The following MSRA variants were observed in gnomAD, a reference collection of about 807,000 sequenced individuals.
MSRA encodes methionine sulfoxide reductase A, also known as mitochondrial peptide methionine sulfoxide reductase.
Under a neutral mutation model 31.3 loss-of-function variants are expected in MSRA, and 54 were observed. The ratio of observed to expected loss-of-function variants is 1.73; its 90% CI spans 1.39 to 2.17. The LOEUF (loss-of-function observed/expected upper bound fraction) is 2.17, where lower values mean the gene tolerates loss of function less well. MSRA is among the 30% of genes most tolerant of loss of function. The probability of loss-of-function intolerance (pLI) is 0.00; values close to 1 mark genes in which losing one functional copy is unlikely to be tolerated. For missense variants in MSRA, 507 were observed against 300.9 expected, an observed-to-expected ratio of 1.69 and a Z score of -5.07; for synonymous variants, 169 against 116.5, an observed-to-expected ratio of 1.45 and a Z score of -2.90.
chr8:10,097,393 G>C (rs527920561), intron 1 of MSRA, among the ~76,000 whole-genome samples: 1 of 152,240 alleles, frequency 6.6e-6, no homozygotes, highest in East Asian at 1.9e-4. Context: ...AAGACATGCT[G>C]ATAGGCACTC....
chr8:10,233,716 T>G (rs1355895663), intron 2 of MSRA, among the ~76,000 whole-genome samples: 2 of 152,138 alleles, frequency 1.3e-5, no homozygotes, highest in Non-Finnish European at 2.9e-5. Flanking sequence ...TCAACTGACA[T>G]GTAAAGGGAG....
intron 2 of MSRA, among the ~76,000 whole-genome samples, chr8:10,235,360 G>A (rs118138225): frequency 3.9e-5 from 6 of 152,170 alleles, no homozygotes; most frequent in Non-Finnish European, 8.8e-5. Flanking sequence ...GAAGAGAATG[G>A]CAATGAAAGT....
At chr8:10,277,316 A>G (rs1458806548) in intron 3 of MSRA, among the ~76,000 whole-genome samples, 1 of 152,188 alleles carries the variant, frequency 6.6e-6, no homozygotes, top group Non-Finnish European at 1.5e-5. Flanking sequence ...TATCAGAGCC[A>G]AAGAACACAG....
chr8:10,354,491 C>T (rs1443325991), intron 5 of MSRA, among the ~76,000 whole-genome samples: 2 of 152,084 alleles, frequency 1.3e-5, no homozygotes, highest in East Asian at 1.9e-4. Flanking sequence ...ACAGGTAAGA[C>T]AATAATAGTA....
intron 1 of MSRA, among the ~76,000 whole-genome samples, chr8:10,077,295 C>G (rs921591831): frequency 8.5e-5 from 13 of 152,048 alleles, no homozygotes; most frequent in African/African-American, 2.9e-4. Flanking sequence ...ATCCTGGCTT[C>G]TCTTTCAACA....
chr8:10,385,802 T>C (rs1218481768), intron 5 of MSRA, among the ~76,000 whole-genome samples: 1 of 88,782 alleles, frequency 1.1e-5, no homozygotes, highest in Non-Finnish European at 3.0e-5. Flanking sequence ...GTCACTCACC[T>C]GGTGGGGGGT....
intron 1 of MSRA, among the ~76,000 whole-genome samples, chr8:10,098,282 G>A (rs942471320): frequency 1.3e-5 from 2 of 151,924 alleles, no homozygotes; most frequent in Admixed American, 1.3e-4. Flanking sequence ...ATAATATTTT[G>A]AAGTAAAATT....
intron 3 of MSRA, among the ~76,000 whole-genome samples, chr8:10,265,565 C>G (rs1284045965): frequency 6.6e-6 from 1 of 152,206 alleles, no homozygotes; most frequent in Non-Finnish European, 1.5e-5. Flanking sequence ...GAACCCTGGC[C>G]TTTTCACTTT....
chr8:10,058,705 C>T (rs1802534469), intron 1 of MSRA, among the ~76,000 whole-genome samples: 1 of 152,224 alleles, frequency 6.6e-6, no homozygotes, highest in Non-Finnish European at 1.5e-5. Flanking sequence ...CACTGATGTT[C>T]AGACCAAGAC....
intron 1 of MSRA, among the ~76,000 whole-genome samples, chr8:10,057,680 C>T (rs1005695401): frequency 6.6e-6 from 1 of 152,092 alleles, no homozygotes; most frequent in East Asian, 1.9e-4. Context: ...TGAATTCTCA[C>T]GAGATCTGAT....
intron 5 of MSRA, among the ~76,000 whole-genome samples, chr8:10,356,218 C>T (rs1474123504): frequency 6.6e-6 from 1 of 152,200 alleles, no homozygotes; most frequent in Non-Finnish European, 1.5e-5. Context: ...TGTTGTTTTC[C>T]GTATGGTTAC....
chr8:10,072,587 G>A (rs914171454), intron 1 of MSRA, among the ~76,000 whole-genome samples: 5 of 152,066 alleles, frequency 3.3e-5, no homozygotes, highest in Non-Finnish European at 7.4e-5. Context: ...CTGTTCTAAG[G>A]TCTGTCCCAC....
At chr8:10,154,318 G>T (rs948134996) in intron 1 of MSRA, among the ~76,000 whole-genome samples, 2 of 152,032 alleles carry the variant, frequency 1.3e-5, no homozygotes, top group African/African-American at 2.4e-5. Context: ...ACCCAAATCG[G>T]CTTCACTGCT....
At chr8:10,417,311 A>T (rs1244582610) in intron 5 of MSRA, among the ~76,000 whole-genome samples, 1 of 152,072 alleles carries the variant, frequency 6.6e-6, no homozygotes, top group African/African-American at 2.4e-5. Flanking sequence ...ATGTGCCAGC[A>T]GTGATTGATG....
At position 10,091,538 on chromosome 8, in the gene MSRA, G is replaced by A. The variant is rs9644718; in HGVS notation, c.142+36880G>A. On this transcript the variant is annotated intron_variant, in intron 1 of 5. Coordinates refer to ENST00000317173, the MANE Select transcript of MSRA (RefSeq NM_012331.5). ...GGCAGTGAACATGGGAGTACACATTGTCTTCAGTATACTGATTTCATTTTC... is the reference window on the plus strand; with the variant it reads ...GGCAGTGAACATGGGAGTACACATTATCTTCAGTATACTGATTTCATTTTC... Among the ~76,000 whole-genome samples the A allele has an allele frequency of 6.8e-4, 103 of 151,872 alleles. 1 individual carries two copies. In the East Asian group the frequency reaches 0.017, roughly 25 times the overall value.
At chr8:10,321,182 T>C (rs1371123643) in intron 5 of MSRA, among the ~76,000 whole-genome samples, 1 of 152,254 alleles carries the variant, frequency 6.6e-6, no homozygotes, top group African/African-American at 2.4e-5. Flanking sequence ...TTGACTTGCT[T>C]TAGTTTTTAG....
chr8:10,276,059 G>A (rs1369884815), intron 3 of MSRA, among the ~76,000 whole-genome samples: 1 of 152,170 alleles, frequency 6.6e-6, no homozygotes. Context: ...CAGGCCTCTC[G>A]CTCCGTGTCT....
At chr8:10,278,335 G>T (rs1799434267) in intron 3 of MSRA, among the ~76,000 whole-genome samples, 1 of 152,156 alleles carries the variant, frequency 6.6e-6, no homozygotes, top group Non-Finnish European at 1.5e-5. Context: ...TGTGGAATTG[G>T]ACCACCTGCC....
chr8:10,066,612 C>T (rs1394982632), intron 1 of MSRA, among the ~76,000 whole-genome samples: 1 of 152,200 alleles, frequency 6.6e-6, no homozygotes, highest in Non-Finnish European at 1.5e-5. Context: ...CTGCTCACTG[C>T]AACCTCTGCC....
Sources: gnomAD v4.1 joint callset for allele counts (sites outside exome capture counted in the v4.1 genomes callset) on GRCh38, gnomAD v4.1.1 for gene constraint, MANE v1.5 for transcripts, NCBI Gene and HGNC (gene_info 2026-07-23, HGNC 2026-07-21) for gene names.